The following COL11A2 variants were observed in gnomAD, a reference collection of about 807,000 sequenced individuals.
COL11A2 encodes the protein collagen type XI alpha 2 chain.
COL11A2 carries 116 observed loss-of-function variants against 273.4 expected under a neutral mutation model. The observed-to-expected ratio is 0.42, with a 90% confidence interval of 0.36 to 0.49. COL11A2 has a LOEUF of 0.49. Among genes scored for constraint, COL11A2 ranks in the 20% least tolerant of loss-of-function variants. COL11A2 has a pLI of 0.00. For synonymous variants in COL11A2, 782 were observed against 864.2 expected, an observed-to-expected ratio of 0.90 and a Z score of 1.67; for missense variants, 1,866 against 2,309.0, an observed-to-expected ratio of 0.81 and a Z score of 3.93.
chr6:33,185,679 T>A (rs761384353), intron 6 of COL11A2, 22 bp downstream of exon 6: 1 of 1,274,948 alleles, frequency 7.8e-7, no homozygotes, highest in Non-Finnish European at 1.1e-6. Context: ...AGGGAAGAAA[T>A]GAAGGGGTCC....
rs1769192489 is a variant in COL11A2, at chr6:33,166,677, ACT to A, written c.4338+41_4338+42del. On this transcript the variant is annotated intron_variant, in intron 59 of 65. Transcript: ENST00000341947. This position sits in a 1 kb window ranked among gnomAD's most constrained non-coding sequence, Gnocchi z 4.8. ...CTCCAACTCCACCCCTCTCCACCCCACTCTCAACCCCCACAACTTCCGGGACC... is the reference window on the plus strand; with the variant it reads ...CTCCAACTCCACCCCTCTCCACCCCACTCAACCCCCACAACTTCCGGGACC... 3.7e-6 allele frequency: 6 copies of A among 1,611,416 alleles called. No individual in the cohort carries two copies. The East Asian group carries it at 8.9e-5, about 24-fold the overall frequency.
chr6:33,178,000 C>T lies in COL11A2; in HGVS notation c.1872+132G>A, dbSNP rs557741897. 2.5e-4 allele frequency: 260 copies of T among 1,024,780 alleles called. 2 individuals are homozygous for T. The highest frequency in any genetic ancestry group is 1.6e-5 in the Non-Finnish European group (11 of 684,564). 63.5% of individuals were successfully genotyped at this position (1,024,780 alleles called of 1,614,324 possible). On this transcript the variant is annotated intron_variant, in intron 21 of 65. Transcript: ENST00000341947. This position sits in a 1 kb window ranked among gnomAD's most constrained non-coding sequence, Gnocchi z 5.9. ...ATGCTGAGGCAGGGCAGTGTGGGGC[C>T]AGAGCAGGGGGAGCTCACAGGGAAT...
Position 33,172,358 on chromosome 6 carries a change from C to T in COL11A2, c.2919G>A (p.Gly973=), listed in dbSNP as rs1271866984. The change falls in exon 40 of 66, where the codon GGG becomes GGA. Residue 973 remains glycine, a synonymous_variant. Coordinates refer to ENST00000341947, the MANE Select transcript of COL11A2 (RefSeq NM_080680.3). ...CAGCAGGACCATCCTTCCCTGGGGC[C>T]CCAGGGGGACCAGGGTCACCCTAAA... ...EGTKGDPGPP[G]APGKDGPAGL... 6.3e-7 allele frequency: 1 copy of T among 1,587,908 alleles called. No homozygotes were observed. Among genetic ancestry groups the T allele is most frequent in the South Asian group, 1.1e-5 (1 of 87,460 alleles).
In COL11A2 at chr6:33,169,603, A is replaced by T; in HGVS notation, c.3691-113T>A. ...CCCTACTCCCCTCAGTGACAATGGG[A>T]CATACACAGAAAGTCAAGCCTACAA... On this transcript the variant is annotated intron_variant, in intron 50 of 65. Transcript: ENST00000341947. This position sits in a 1 kb window ranked among gnomAD's most constrained non-coding sequence, Gnocchi z 5.5. 8.7e-7 allele frequency: 1 copy of T among 1,155,180 alleles called. No individual in the cohort carries two copies. Among genetic ancestry groups the T allele is most frequent in the South Asian group, 1.3e-5 (1 of 78,622 alleles). 71.6% of individuals were successfully genotyped at this position (1,155,180 alleles called of 1,614,324 possible).
In COL11A2 at chr6:33,185,486, C is replaced by T. The variant is rs193242868; in HGVS notation, c.876+215G>A. On this transcript the variant is annotated intron_variant, in intron 6 of 65. Coordinates refer to ENST00000341947, the MANE Select transcript of COL11A2 (RefSeq NM_080680.3). ...TGGGGTAGGCTTTCAGGGAGGGGTC[C>T]GATGCCCCCTAGGGGAAGGGGGAGG... Among the ~76,000 whole-genome samples the T allele has an allele frequency of 1.8e-3, 266 of 151,948 alleles. 1 individual carries two copies. The highest frequency in any genetic ancestry group is 0.014 in the Middle Eastern group (4 of 294).
chr6:33,182,279 A>T (rs1445388507), intron 8 of COL11A2, among the ~76,000 whole-genome samples: 1 of 152,128 alleles, frequency 6.6e-6, no homozygotes, highest in African/African-American at 2.4e-5. Context: ...CATCTCAAAG[A>T]AAAAAAAGAA....
rs1395096719 is a variant in COL11A2, at chr6:33,190,711, C to A, written c.83-1242G>T. On this transcript the variant is annotated intron_variant, in intron 1 of 65. Transcript: ENST00000341947. This position sits in a 1 kb window ranked among gnomAD's most constrained non-coding sequence, Gnocchi z 4.5. ...AACCCCCACCTAAGCCTGGCCCCTG[C>A]GCGTGTGGCAGCTCCGCAAACACCA... Among the ~76,000 whole-genome samples, 1 of 152,072 alleles carries A rather than the reference C, an allele frequency of 6.6e-6. No homozygotes were observed. The highest frequency in any genetic ancestry group is 1.5e-5 in the Non-Finnish European group (1 of 68,010).
chr6:33,175,772 G>T, intron 29 of COL11A2, 91 bp from the exon 30 acceptor site: 1 of 1,307,102 alleles, frequency 7.7e-7, no homozygotes, highest in Non-Finnish European at 1.1e-6. Flanking sequence ...GCTGAGGAGG[G>T]CTAGAGGGGT....
Position 33,189,228 on chromosome 6 carries a change from G to C in COL11A2, c.233-40C>G. ...AGATACACACAGAGTGAGAGGCAAA[G>C]GGAGCCGCCACAACCCCTTTCCTCC... On this transcript the variant is annotated intron_variant, in intron 2 of 65. Coordinates refer to ENST00000341947, the MANE Select transcript of COL11A2 (RefSeq NM_080680.3). This position sits in a 1 kb window ranked among gnomAD's most constrained non-coding sequence, Gnocchi z 5.6. 1 of 1,612,596 alleles carries C rather than the reference G, an allele frequency of 6.2e-7. No homozygotes were observed. The highest frequency in any genetic ancestry group is 2.2e-5 in the East Asian group (1 of 44,824).
In COL11A2 at chr6:33,189,099, C is replaced by G. The variant is rs1391769688; in HGVS notation, c.322G>C (p.Gly108Arg). ...APLLTLYSAQ[G>R]VRQLGLELGR... ...AGCTCCAGGCCCAGCTGTCGGACAC[C>G]CTGGGCACTGTAGAGAGTCAGGAGG... Residue 108 changes from glycine to arginine, a missense_variant, in exon 3 of 66, where the codon GGT (glycine) becomes CGT (arginine). Physicochemically the swap from Gly to Arg is moderately radical, Grantham distance 125 (BLOSUM62 -2). Transcript: ENST00000341947. The surrounding 1 kb of genome is among the most constrained non-coding windows in gnomAD (Gnocchi z 5.6). The G allele has an allele frequency of 3.7e-6, 6 of 1,614,158 alleles. No homozygotes were observed. The highest frequency in any genetic ancestry group is 5.1e-6 in the Non-Finnish European group (6 of 1,180,012).
intron 30 of COL11A2, 162 bp downstream of exon 30, chr6:33,175,412 C>T: frequency 5.6e-6 from 4 of 711,098 alleles, no homozygotes; most frequent in Admixed American, 2.0e-5. Flanking sequence ...ATCCCCTCTG[C>T]CCATCAGCAG....
In COL11A2 at chr6:33,179,706, C is replaced by T. The variant is rs781322066; in HGVS notation, c.1446+13G>A. 43 of 1,610,906 alleles carry T rather than the reference C, an allele frequency of 2.7e-5. No homozygotes were observed. The highest frequency in any genetic ancestry group is 3.6e-5 in the Non-Finnish European group (42 of 1,179,858). On this transcript the variant is annotated intron_variant, in intron 13 of 65. Coordinates refer to ENST00000341947, the MANE Select transcript of COL11A2 (RefSeq NM_080680.3). The surrounding 1 kb of genome is among the most constrained non-coding windows in gnomAD (Gnocchi z 6.4). ...CCAGAGCCTTCCCTTTCCAGGGAAG[C>T]AGCCCCACTCACCCTCGCCTGCTGC...
rs376818337 is a variant in COL11A2 at position 33,185,414 on chromosome 6, C to T, written c.876+287G>A. 7.3e-4 allele frequency among the ~76,000 whole-genome samples: 111 copies of T among 152,224 alleles called. 12 individuals are homozygous for T. In the East Asian group the frequency reaches 9.3e-3, roughly 13 times the overall value. The stretch of plus-strand genomic sequence containing the variant: ...AAAGCCTGCAGTTGGAGAGGGCCTC[C>T]GGCCTGGTGAGGGGGACGCCTGCCA... On this transcript the variant is annotated intron_variant, in intron 6 of 65. Coordinates refer to ENST00000341947, the MANE Select transcript of COL11A2 (RefSeq NM_080680.3).
rs2150538700 is a variant in COL11A2 at position 33,170,259 on chromosome 6, G to T, written c.3582+67C>A. 1.3e-6 allele frequency: 2 copies of T among 1,584,364 alleles called. No individual in the cohort carries two copies. Among genetic ancestry groups the T allele is most frequent in the East Asian group, 2.3e-5 (1 of 44,274 alleles). On this transcript the variant is annotated intron_variant, in intron 48 of 65. Transcript: ENST00000341947. This position sits in a 1 kb window ranked among gnomAD's most constrained non-coding sequence, Gnocchi z 4.3. The stretch of plus-strand genomic sequence containing the variant: ...CCCCTGAGACGATACTAGAGTTTAT[G>T]GTCTGGGAAAGGGAGGCAGAAGACC...
rs897615870 is a variant in COL11A2, at chr6:33,179,337, C to T, written c.1504-53G>A. 6.3e-7 allele frequency: 1 copy of T among 1,588,560 alleles called. No individual in the cohort carries two copies. The highest frequency in any genetic ancestry group is 8.6e-7 in the Non-Finnish European group (1 of 1,168,390). ...AAGGAAGGACACAGCCAACAGTGGC[C>T]TCGGAGTGTTCCCCAAAAGAAGCCC... On this transcript the variant is annotated intron_variant, in intron 14 of 65. Transcript: ENST00000341947. This position sits in a 1 kb window ranked among gnomAD's most constrained non-coding sequence, Gnocchi z 6.4.
chr6:33,171,395 G>C, intron 43 of COL11A2, 71 bp from the exon 44 acceptor site: 1 of 1,609,494 alleles, frequency 6.2e-7, no homozygotes, highest in Non-Finnish European at 8.5e-7. Flanking sequence ...CATGACAGGG[G>C]CCAGGGGTCA....
Position 33,169,800 on chromosome 6 carries a change from T to C in COL11A2, c.3690+31A>G. On this transcript the variant is annotated intron_variant, in intron 50 of 65. Coordinates refer to ENST00000341947, the MANE Select transcript of COL11A2 (RefSeq NM_080680.3). The surrounding 1 kb of genome is among the most constrained non-coding windows in gnomAD (Gnocchi z 5.5). ...CAGGGTTGAGGCGGGTGACGGGGAC[T>C]GGGGAGTAAGGCCTTGGAGCTGTCA... 3.1e-6 allele frequency: 5 copies of C among 1,613,824 alleles called. No individual in the cohort carries two copies. Among genetic ancestry groups the C allele is most frequent in the Non-Finnish European group, 4.2e-6 (5 of 1,179,778 alleles).
Position 33,163,453 on chromosome 6 carries a change from A to G in COL11A2, c.*225T>C. Reference sequence around the variant, plus strand: ...GGGTCTCAGCTCTCTAACGGGTAACAGGCTCCAGGTGGGAGGGCCAAGAGC... The same window carrying G: ...GGGTCTCAGCTCTCTAACGGGTAACGGGCTCCAGGTGGGAGGGCCAAGAGC... On this transcript the variant is annotated 3_prime_UTR_variant, in exon 66 of 66. Transcript: ENST00000341947. The surrounding 1 kb of genome is among the most constrained non-coding windows in gnomAD (Gnocchi z 4.1). 1 of 618,410 alleles carries G rather than the reference A, an allele frequency of 1.6e-6. No homozygotes were observed. Among genetic ancestry groups the G allele is most frequent in the Middle Eastern group, 4.4e-4 (1 of 2,286 alleles). The allele number at this position is 618,410 out of a possible 1,614,324, so 38.3% of individuals were successfully genotyped here.
Position 33,169,560 on chromosome 6 carries a change from G to A in COL11A2, c.3691-70C>T, listed in dbSNP as rs990282145. The A allele has an allele frequency of 1.4e-5, 20 of 1,458,688 alleles. No homozygotes were observed. In the African/African-American group the frequency reaches 1.7e-4, roughly 12 times the overall value. 90.4% of individuals were successfully genotyped at this position (1,458,688 alleles called of 1,614,324 possible). On this transcript the variant is annotated intron_variant, in intron 50 of 65. Transcript: ENST00000341947. This position sits in a 1 kb window ranked among gnomAD's most constrained non-coding sequence, Gnocchi z 5.5. ...GATCAGGGATGCAGCCTCTGCTTCCGAGACACCTTCAGCCATCCCCTACTC... is the reference window on the plus strand; with the variant it reads ...GATCAGGGATGCAGCCTCTGCTTCCAAGACACCTTCAGCCATCCCCTACTC...
Sources: gnomAD v4.1 joint callset for allele counts (sites outside exome capture counted in the v4.1 genomes callset) on GRCh38, gnomAD v4.1.1 for gene constraint, Gnocchi (gnomAD v3.1) non-coding constraint, MANE v1.5 for transcripts, NCBI Gene and HGNC (gene_info 2026-07-23, HGNC 2026-07-21) for gene names.